CCZ1B: variants seen among roughly 807,000 people sequenced by gnomAD.
CCZ1B encodes vacuolar fusion protein CCZ1 homolog B.
Under a neutral mutation model 58.8 loss-of-function variants are expected in CCZ1B, and 25 were observed. The observed-to-expected ratio is 0.43, with a 90% CI of 0.31 to 0.59. CCZ1B has a LOEUF of 0.59. Among genes scored for constraint, CCZ1B ranks in the 20% least tolerant of loss-of-function variants. The pLI is 0.12. For missense variants in CCZ1B, 180 were observed against 501.5 expected (o/e 0.36, Z 6.12); for synonymous variants, 66 against 173.2 (o/e 0.38, Z 4.86).
chr7:6,822,284 A>G lies in CCZ1B; in HGVS notation c.519T>C (p.His173=), dbSNP rs1366221302. The G allele has an allele frequency of 6.3e-7, 1 of 1,583,302 alleles. No individual in the cohort carries two copies. The highest frequency in any genetic ancestry group is 2.2e-5 in the East Asian group (1 of 44,818). The part of the protein sequence containing the change: ...LLKERLEKFF[H]RYLQTLHLQS... ...AAATGAAATTCAAAATACTTACCCG[A>G]TGGAAGAATTTCTCTAATCTTTCTT... Residue 173 remains histidine (H), a synonymous_variant, in exon 6 of 15, where the codon CAT becomes CAC. Coordinates refer to ENST00000316731, the MANE Select transcript of CCZ1B (RefSeq NM_198097.5).
rs767058859 is a variant in CCZ1B, at chr7:6,814,714, C to T, written c.780+50G>A. ...GCACCACCATCTCACTCCACCTGCC[C>T]TCTCTGTGCCCCTGCATGTAATTGT... On this transcript the variant is annotated intron_variant, in intron 8 of 14. Coordinates refer to ENST00000316731, the MANE Select transcript of CCZ1B (RefSeq NM_198097.5). 143 of 1,514,796 alleles carry T rather than the reference C, an allele frequency of 9.4e-5. 4 individuals carry two copies. The highest frequency in any genetic ancestry group is 1.2e-4 in the Non-Finnish European group (135 of 1,104,622). The allele number at this position is 1,514,796 out of a possible 1,614,324, so 93.8% of individuals were successfully genotyped here. A position where few individuals can be genotyped will look rare whatever the true frequency, so the allele number is the denominator to read the frequency against.
chr7:6,814,980 A>G lies in CCZ1B; in HGVS notation c.699-135T>C, dbSNP rs1347835167. The G allele has an allele frequency of 8.6e-6, 5 of 578,570 alleles. 2 individuals are homozygous for G. The African/African-American group carries it at 1.0e-4, about 12-fold the overall frequency. 35.8% of individuals were successfully genotyped at this position (578,570 alleles called of 1,614,324 possible). The stretch of plus-strand genomic sequence containing the variant: ...AACACAGAATAAATTCTAACTTTTT[A>G]AAGTTTAAAGCTACTTAAAACTCAA... On this transcript the variant is annotated intron_variant, in intron 7 of 14. Coordinates refer to ENST00000316731, the MANE Select transcript of CCZ1B (RefSeq NM_198097.5).
intron 6 of CCZ1B, among the ~76,000 whole-genome samples, chr7:6,820,743 A>G (rs1210716492): frequency 1.3e-5 from 2 of 148,710 alleles, no homozygotes; most frequent in Non-Finnish European, 3.0e-5. Flanking sequence ...CCAACATGGC[A>G]AAACCCCGTC....
rs577923589 is a variant in CCZ1B, at chr7:6,816,925, A to AT, written c.699-2081dup. Among the ~76,000 whole-genome samples, 40 of 107,754 alleles carry AT rather than the reference A, an allele frequency of 3.7e-4. 1 individual carries two copies. The highest frequency in any genetic ancestry group is 1.4e-3 in the South Asian group (5 of 3,490). 70.7% of individuals were successfully genotyped at this position (107,754 alleles called of 152,430 possible). A position where few individuals can be genotyped will look rare whatever the true frequency, so the allele number is the denominator to read the frequency against. On this transcript the variant is annotated intron_variant, in intron 7 of 14. Coordinates refer to ENST00000316731, the MANE Select transcript of CCZ1B (RefSeq NM_198097.5). ...AAGTGCACACCACAATGCCCAGCTA[A>AT]TTTTTTTTTTGCATTTTTTGTAGAG...
chr7:6,809,117 T>C, intron 10 of CCZ1B, among the ~76,000 whole-genome samples: 2 of 112,616 alleles, frequency 1.8e-5, no homozygotes, highest in Non-Finnish European at 3.7e-5. Context: ...TTCAGGCACC[T>C]CCCGGGGGTT....
intron 10 of CCZ1B, among the ~76,000 whole-genome samples, chr7:6,810,213 A>T (rs1221082893): frequency 8.7e-5 from 13 of 149,262 alleles, no homozygotes; most frequent in Non-Finnish European, 1.3e-4. Context: ...GGGTTTCCCC[A>T]TGTTGGCCAG....
chr7:6,819,382 T>C (rs904856831), intron 7 of CCZ1B, among the ~76,000 whole-genome samples: 4 of 147,876 alleles, frequency 2.7e-5, no homozygotes, highest in Admixed American at 2.7e-4. Context: ...ATTACAGGCA[T>C]GCACCACCAC....
chr7:6,821,462 A>G (rs2115128221), intron 6 of CCZ1B, among the ~76,000 whole-genome samples: 1 of 152,430 alleles, frequency 6.6e-6, no homozygotes, highest in Non-Finnish European at 1.5e-5. Context: ...TAAAATGACA[A>G]AACAACAAAG....
intron 14 of CCZ1B, among the ~76,000 whole-genome samples, chr7:6,800,456 C>T (rs1371950246): frequency 4.3e-5 from 6 of 139,516 alleles, no homozygotes; most frequent in Non-Finnish European, 9.1e-5. Context: ...GGAGTTTGAG[C>T]CCAGCCTGTG....
At chr7:6,813,504 A>G (rs10951996) in intron 8 of CCZ1B, among the ~76,000 whole-genome samples, 9,372 of 148,394 alleles carry the variant, frequency 0.063, 121 homozygotes, top group East Asian at 0.23. Flanking sequence ...CTTGAGCCCA[A>G]GAGTTTGAGA....
In CCZ1B at chr7:6,819,148, G is replaced by GAAA. The variant is rs1783068206; in HGVS notation, c.698+617_698+618insTTT. Among the ~76,000 whole-genome samples the GAAA allele has an allele frequency of 9.1e-5, 9 of 98,606 alleles. 1 individual carries two copies. The highest frequency in any genetic ancestry group is 2.2e-4 in the Admixed American group (2 of 9,056). The allele number at this position is 98,606 out of a possible 152,430, so 64.7% of individuals were successfully genotyped here. On this transcript the variant is annotated intron_variant, in intron 7 of 14. Transcript: ENST00000316731. ...GAAAAAAAAAAAAAAAAAAAAAAAGGTATAAAAATTCTGCTTTTAACATTT... is the reference window on the plus strand; with the variant it reads ...GAAAAAAAAAAAAAAAAAAAAAAAGGAAATATAAAAATTCTGCTTTTAACATTT...
intron 12 of CCZ1B, among the ~76,000 whole-genome samples, chr7:6,802,293 TC>T (rs1782779556): frequency 1.1e-5 from 1 of 92,666 alleles, no homozygotes; most frequent in African/African-American, 4.1e-5. Flanking sequence ...CGACGCTGCC[TC>T]CCAGGTCAGA....
rs537151576 is a variant in CCZ1B at position 6,819,546 on chromosome 7, T to C, written c.698+220A>G. 2.0e-5 allele frequency among the ~76,000 whole-genome samples: 3 copies of C among 149,106 alleles called. No homozygotes were observed. The East Asian group carries it at 5.8e-4, about 29-fold the overall frequency. ...ACCGTGCCCAGCCTTTCATCTTTCATGCAGCCAGTTTTAAACTCCTCTGCT... is the reference window on the plus strand; with the variant it reads ...ACCGTGCCCAGCCTTTCATCTTTCACGCAGCCAGTTTTAAACTCCTCTGCT... On this transcript the variant is annotated intron_variant, in intron 7 of 14. Coordinates refer to ENST00000316731, the MANE Select transcript of CCZ1B (RefSeq NM_198097.5).
At position 6,799,175 on chromosome 7, in the gene CCZ1B, A is replaced by G; in HGVS notation, c.*49T>C. On this transcript the variant is annotated 3_prime_UTR_variant, in exon 15 of 15. Transcript: ENST00000316731. ...ATGACCACTAACTTGCATGTGACCA[A>G]ATGTTTGCAGAGTGTTTTTTAGATA... The G allele has an allele frequency of 5.1e-6, 3 of 583,168 alleles. 1 individual carries two copies. The highest frequency in any genetic ancestry group is 7.5e-6 in the Non-Finnish European group (3 of 398,772). The allele number at this position is 583,168 out of a possible 1,614,324, so 36.1% of individuals were successfully genotyped here. A position where few individuals can be genotyped will look rare whatever the true frequency, so the allele number is the denominator to read the frequency against.
intron 8 of CCZ1B, among the ~76,000 whole-genome samples, chr7:6,813,741 C>T (rs1782953897): frequency 6.7e-6 from 1 of 149,504 alleles, no homozygotes; most frequent in African/African-American, 2.5e-5. Flanking sequence ...CAGGTAGGCA[C>T]TAAAACATCT....
At position 6,813,589 on chromosome 7, in the gene CCZ1B, T is replaced by C. The variant is rs554358635; in HGVS notation, c.781-552A>G. On this transcript the variant is annotated intron_variant, in intron 8 of 14. Coordinates refer to ENST00000316731, the MANE Select transcript of CCZ1B (RefSeq NM_198097.5). The stretch of plus-strand genomic sequence containing the variant: ...GAGCGGGAGGACAAGAGGGAGGGAA[T>C]GAACAAGCGAAGAGAGTGAGTTCAA... 6.5e-4 allele frequency among the ~76,000 whole-genome samples: 97 copies of C among 149,214 alleles called. 1 individual carries two copies. Among genetic ancestry groups the C allele is most frequent in the African/African-American group, 2.2e-3 (85 of 39,462 alleles).
Position 6,812,201 on chromosome 7 carries a change from T to C in CCZ1B, c.843-138A>G, listed in dbSNP as rs544582348. The C allele has an allele frequency of 1.5e-4, 146 of 980,362 alleles. 16 individuals are homozygous for C. In the African/African-American group the frequency reaches 2.2e-3, roughly 15 times the overall value. The allele number at this position is 980,362 out of a possible 1,614,324, so 60.7% of individuals were successfully genotyped here. A position where few individuals can be genotyped will look rare whatever the true frequency, so the allele number is the denominator to read the frequency against. The stretch of plus-strand genomic sequence containing the variant: ...CTATTTGGCAAACACCATATCAGAA[T>C]AGGCCGGCTGGGCGTGGTGGCTCAT... On this transcript the variant is annotated intron_variant, in intron 9 of 14. Transcript: ENST00000316731.
At chr7:6,814,909 G>GATAAA in intron 7 of CCZ1B, 64 bp from the exon 8 acceptor site, 1 of 1,296,736 alleles carries the variant, frequency 7.7e-7, no homozygotes, top group Non-Finnish European at 1.0e-6. Flanking sequence ...CCACTGCTGT[G>GATAAA]ATAAAGCTCA....
rs1335872034 is a variant in CCZ1B, at chr7:6,802,528, TA to T, written c.1107-1006del. Among the ~76,000 whole-genome samples the T allele has an allele frequency of 7.2e-5, 2 of 27,782 alleles. 1 individual carries two copies. Among genetic ancestry groups the T allele is most frequent in the East Asian group, 2.8e-3 (2 of 718 alleles). 18.2% of individuals were successfully genotyped at this position (27,782 alleles called of 152,430 possible). ...AAATCCGACCTCCGGACCAATGGGG[TA>T]CTCATGAAATACTCTACGTCCAGGC... On this transcript the variant is annotated intron_variant, in intron 12 of 14. Transcript: ENST00000316731.
Sources: allele counts gnomAD v4.1 joint callset (sites outside exome capture counted in the v4.1 genomes callset), GRCh38; gene constraint gnomAD v4.1.1; transcripts MANE v1.5; gene names NCBI Gene and HGNC (gene_info 2026-07-23, HGNC 2026-07-21).